Variants in AGBL4 observed in about 807,000 individuals in gnomAD.
AGBL4 encodes the protein AGBL carboxypeptidase 4, also known as cytosolic carboxypeptidase 6.
In AGBL4, 58 loss-of-function variants were observed where a neutral mutation model predicts 66.4. The ratio of observed to expected loss-of-function variants is 0.87; its 90% CI spans 0.71 to 1.09. The LOEUF is 1.09. Among genes scored for constraint, AGBL4 ranks in the 50% least tolerant of loss-of-function variants. The pLI, the probability that AGBL4 is intolerant of heterozygous loss-of-function variation, is 0.00. For missense variants in AGBL4, 579 were observed against 631.0 expected, an observed-to-expected ratio of 0.92 and a Z score of 0.88; for synonymous variants, 234 against 222.9, an observed-to-expected ratio of 1.05 and a Z score of -0.44.
At chr1:49,598,018 T>A (rs188859258) in intron 3 of AGBL4, among the ~76,000 whole-genome samples, 2 of 152,324 alleles carry the variant, frequency 1.3e-5, no homozygotes, top group African/African-American at 4.8e-5. Flanking sequence ...TTCTTTCTCT[T>A]GCCTGATTGC....
intron 6 of AGBL4, among the ~76,000 whole-genome samples, chr1:48,836,491 T>C (rs755336998): frequency 6.6e-6 from 1 of 151,938 alleles, no homozygotes; most frequent in Non-Finnish European, 1.5e-5. Flanking sequence ...AGTAGCTTGA[T>C]GATAAATAGT....
At chr1:49,732,694 C>T (rs907647794) in intron 2 of AGBL4, among the ~76,000 whole-genome samples, 1 of 151,996 alleles carries the variant, frequency 6.6e-6, no homozygotes, top group South Asian at 2.1e-4. Context: ...AATCAGTATA[C>T]ATGAAAGACA....
intron 4 of AGBL4, among the ~76,000 whole-genome samples, chr1:49,127,193 G>C (rs1463195942): frequency 6.6e-6 from 1 of 152,174 alleles, no homozygotes; most frequent in Non-Finnish European, 1.5e-5. Context: ...TTGCCTGGGG[G>C]CATATTTTGG....
At chr1:48,730,658 T>C (rs1026600358) in intron 6 of AGBL4, among the ~76,000 whole-genome samples, 1 of 152,130 alleles carries the variant, frequency 6.6e-6, no homozygotes, top group African/African-American at 2.4e-5. Flanking sequence ...GTAACAGCAC[T>C]GAACGAAAAG....
chr1:48,851,412 C>T (rs1238727280), intron 6 of AGBL4, among the ~76,000 whole-genome samples: 1 of 152,158 alleles, frequency 6.6e-6, no homozygotes, highest in African/African-American at 2.4e-5. Flanking sequence ...GCTGAGGGAA[C>T]AAAACATAGG....
chr1:49,825,462 T>C (rs1026400507), intron 2 of AGBL4, among the ~76,000 whole-genome samples: 2 of 152,192 alleles, frequency 1.3e-5, no homozygotes, highest in African/African-American at 4.8e-5. Flanking sequence ...TATTTTAAAA[T>C]GAGAAAACAG....
At chr1:49,030,771 C>T (rs1219914574) in intron 5 of AGBL4, among the ~76,000 whole-genome samples, 1 of 149,172 alleles carries the variant, frequency 6.7e-6, no homozygotes, top group Non-Finnish European at 1.5e-5. Context: ...TTGGTTTAAG[C>T]CACCTAGTCT....
At chr1:49,312,967 T>C (rs867057600) in intron 3 of AGBL4, among the ~76,000 whole-genome samples, 26 of 152,254 alleles carry the variant, frequency 1.7e-4, no homozygotes, top group South Asian at 8.3e-4. Flanking sequence ...GGTGGTTTAC[T>C]GCACCTGTTA....
At chr1:49,633,954 A>T (rs901245273) in intron 3 of AGBL4, among the ~76,000 whole-genome samples, 12 of 148,376 alleles carry the variant, frequency 8.1e-5, no homozygotes, top group South Asian at 4.2e-4. Flanking sequence ...TATTAAAATA[A>T]TTTTTTTTCA....
At chr1:48,743,371 T>C (rs1650235107) in intron 6 of AGBL4, among the ~76,000 whole-genome samples, 1 of 152,224 alleles carries the variant, frequency 6.6e-6, no homozygotes, top group Admixed American at 6.5e-5. Context: ...ACATGCAGTT[T>C]AAACAGCAAA....
intron 3 of AGBL4, among the ~76,000 whole-genome samples, chr1:49,518,804 G>T (rs1650032511): frequency 6.6e-6 from 1 of 151,990 alleles, no homozygotes. Context: ...AAATGCAATT[G>T]TATTACTTTT....
At chr1:49,430,476 G>C (rs904717450) in intron 3 of AGBL4, among the ~76,000 whole-genome samples, 1 of 152,102 alleles carries the variant, frequency 6.6e-6, no homozygotes, top group Non-Finnish European at 1.5e-5. Flanking sequence ...GCAGACCCTA[G>C]TATGGGCCTG....
chr1:49,631,909 G>A (rs1645577113), intron 3 of AGBL4, among the ~76,000 whole-genome samples: 1 of 152,162 alleles, frequency 6.6e-6, no homozygotes, highest in Non-Finnish European at 1.5e-5. Context: ...CCTAGTCATT[G>A]GCTGGAAGCA....
chr1:49,685,894 A>T (rs1477885885), intron 3 of AGBL4, among the ~76,000 whole-genome samples: 1 of 152,084 alleles, frequency 6.6e-6, no homozygotes, highest in Non-Finnish European at 1.5e-5. Context: ...GAAGTTCTTT[A>T]GTTTAATTAG....
intron 4 of AGBL4, among the ~76,000 whole-genome samples, chr1:49,217,945 T>A (rs1370735890): frequency 6.6e-6 from 1 of 152,118 alleles, no homozygotes; most frequent in Non-Finnish European, 1.5e-5. Context: ...TGATCAGAAG[T>A]CATTCATTCT....
intron 5 of AGBL4, among the ~76,000 whole-genome samples, chr1:48,996,295 T>C (rs565952643): frequency 1.3e-5 from 2 of 152,232 alleles, no homozygotes; most frequent in Non-Finnish European, 2.9e-5. Context: ...TGGAACTCAT[T>C]AGCATATAGT....
intron 3 of AGBL4, among the ~76,000 whole-genome samples, chr1:49,533,262 C>A (rs1651288963): frequency 6.6e-6 from 1 of 152,180 alleles, no homozygotes; most frequent in Admixed American, 6.5e-5. Flanking sequence ...TGGACTTCCA[C>A]TATGCCCTCT....
Position 49,882,506 on chromosome 1 carries a change from C to A in AGBL4, c.35-30988G>T, listed in dbSNP as rs867627747. On this transcript the variant is annotated intron_variant, in intron 1 of 13. Coordinates refer to ENST00000371839, the MANE Select transcript of AGBL4 (RefSeq NM_032785.4). ...TATGGCCATTTTCACGATATTGATT[C>A]TTCCTACCCATGAGCATGGAATGTT... is the stretch of plus-strand genomic sequence containing the variant. Among the ~76,000 whole-genome samples, 30 of 151,932 alleles carry A rather than the reference C, an allele frequency of 2.0e-4. No individual in the cohort carries two copies. The Middle Eastern group carries it at 0.014, about 69-fold the overall frequency.
chr1:49,876,001 G>A lies in AGBL4; in HGVS notation c.35-24483C>T, dbSNP rs1482121861. Among the ~76,000 whole-genome samples the A allele has an allele frequency of 2.0e-4, 29 of 146,188 alleles. No individual in the cohort carries two copies. In the Admixed American group the frequency reaches 2.0e-3, roughly 10 times the overall value. ...TGTCCCTCGCCCACTTTTTGATGGGGTTGTTTGTTTTTTCCTTGTAAATTT... is the reference window on the plus strand; with the variant it reads ...TGTCCCTCGCCCACTTTTTGATGGGATTGTTTGTTTTTTCCTTGTAAATTT... On this transcript the variant is annotated intron_variant, in intron 1 of 13. Transcript: ENST00000371839.
Sources: gnomAD v4.1 joint callset for allele counts (sites outside exome capture counted in the v4.1 genomes callset) on GRCh38, gnomAD v4.1.1 for gene constraint, MANE v1.5 for transcripts, NCBI Gene and HGNC (gene_info 2026-07-23, HGNC 2026-07-21) for gene names.